The following CHRNB3 variants were observed in gnomAD, a reference collection of about 807,000 sequenced individuals.
The protein encoded by CHRNB3 is neuronal acetylcholine receptor subunit beta-3.
Under a neutral mutation model 40.6 loss-of-function variants are expected in CHRNB3, and 37 were observed. The observed-to-expected ratio is 0.91, with a 90% CI of 0.70 to 1.20. The LOEUF is 1.20. CHRNB3 is among the 50% of genes most tolerant of loss of function. The pLI is 0.00. For synonymous variants in CHRNB3, 207 were observed against 207.1 expected (o/e 1.00, Z 0.00); for missense variants, 505 against 551.2 (o/e 0.92, Z 0.84).
chr8:42,708,526 T>C (rs966933509), intron 1 of CHRNB3, among the ~76,000 whole-genome samples, 191 bp from the exon 2 acceptor site: 3 of 152,044 alleles, frequency 2.0e-5, no homozygotes, highest in Non-Finnish European at 4.4e-5. Flanking sequence ...TTTTCAGCTG[T>C]GTGTGTTTGG....
At chr8:42,736,113 C>A (rs1160525987) in intron 5 of CHRNB3, among the ~76,000 whole-genome samples, 2 of 152,146 alleles carry the variant, frequency 1.3e-5, no homozygotes, top group African/African-American at 2.4e-5. Context: ...GATCCCCCCA[C>A]CCCCAGGCCT....
chr8:42,723,878 G>A (rs1816260733), intron 3 of CHRNB3, among the ~76,000 whole-genome samples: 1 of 152,170 alleles, frequency 6.6e-6, no homozygotes, highest in Non-Finnish European at 1.5e-5. Flanking sequence ...CTGAAGTCAG[G>A]AGTTCAAGAC....
chr8:42,721,799 C>T (rs1279162001), intron 3 of CHRNB3: 2 of 152,112 alleles, frequency 1.3e-5, no homozygotes, highest in Non-Finnish European at 2.9e-5. Flanking sequence ...AAGAGTGTCC[C>T]ACCTCTTTTC....
At position 42,714,828 on chromosome 8, in the gene CHRNB3, C is replaced by G. The variant is rs541457193; in HGVS notation, c.249+4394C>G. ...GAAGTGACTTGCCCAGGGTTAAGCA[C>G]TGTTAGGGAAGTCGACTTATGTAGA... is the stretch of plus-strand genomic sequence containing the variant. On this transcript the variant is annotated intron_variant, in intron 3 of 5. Coordinates refer to ENST00000289957, the MANE Select transcript of CHRNB3 (RefSeq NM_000749.5). 3.3e-5 allele frequency: 5 copies of G among 152,350 alleles called. 1 individual carries two copies. In the South Asian group the frequency reaches 1.0e-3, roughly 32 times the overall value. 9.4% of individuals were successfully genotyped at this position (152,350 alleles called of 1,614,324 possible).
intron 3 of CHRNB3, among the ~76,000 whole-genome samples, chr8:42,720,179 T>C (rs1296058904): frequency 7.9e-6 from 1 of 125,794 alleles, no homozygotes; most frequent in African/African-American, 3.0e-5. Context: ...CAGGCTGGAG[T>C]GCAGCGGCAC....
At chr8:42,715,491 C>G (rs1473937711) in intron 3 of CHRNB3, among the ~76,000 whole-genome samples, 1 of 152,144 alleles carries the variant, frequency 6.6e-6, no homozygotes, top group Non-Finnish European at 1.5e-5. Context: ...CCTCATTTGC[C>G]TCCCAGACAC....
Position 42,736,767 on chromosome 8 carries a change from T to C in CHRNB3, c.*149T>C. ...CATCTCCTCATGGGAGAAACTCTGG[T>C]AAATGTGCTCATTTGTGGTTGCCAT... On this transcript the variant is annotated 3_prime_UTR_variant, in exon 6 of 6. Coordinates refer to ENST00000289957, the MANE Select transcript of CHRNB3 (RefSeq NM_000749.5). 1 of 961,398 alleles carries C rather than the reference T, an allele frequency of 1.0e-6. No homozygotes were observed. The highest frequency in any genetic ancestry group is 1.6e-6 in the Non-Finnish European group (1 of 635,566). 59.6% of individuals were successfully genotyped at this position (961,398 alleles called of 1,614,324 possible). A position where few individuals can be genotyped will look rare whatever the true frequency, so the allele number is the denominator to read the frequency against.
chr8:42,717,598 T>G (rs1384481915), intron 3 of CHRNB3, among the ~76,000 whole-genome samples: 2 of 151,494 alleles, frequency 1.3e-5, no homozygotes, highest in Admixed American at 1.3e-4. Flanking sequence ...TTGGACTTCT[T>G]ACTCAAGTGG....
chr8:42,732,249 C>G lies in CHRNB3; in HGVS notation c.942C>G (p.Thr314=). Residue 314 remains threonine, a synonymous_variant, in exon 5 of 6, where the codon ACC becomes ACG. Coordinates refer to ENST00000289957, the MANE Select transcript of CHRNB3 (RefSeq NM_000749.5). ...MIFVTLSIIV[T]VFVINVHHRS... ...TTGTGACCCTGTCCATCATTGTTAC[C>G]GTGTTTGTCATTAACGTTCACCACA... 1.2e-6 allele frequency: 2 copies of G among 1,611,842 alleles called. No homozygotes were observed. Among genetic ancestry groups the G allele is most frequent in the Non-Finnish European group, 1.7e-6 (2 of 1,179,348 alleles).
chr8:42,732,508 T>C lies in CHRNB3; in HGVS notation c.1201T>C (p.Tyr401His), dbSNP rs1002184786. ...FLEKAADSIR[Y>H]ISRHVKKEHF... is the part of the protein sequence containing the mutation. Reference sequence around the variant, plus strand: ...GGAAAAAGCTGCTGATTCCATTAGATACATTTCGAGACATGTGAAGAAAGA... The same window carrying C: ...GGAAAAAGCTGCTGATTCCATTAGACACATTTCGAGACATGTGAAGAAAGA... The change falls in exon 5 of 6, where the codon TAC (tyrosine) becomes CAC (histidine). Residue 401 changes from tyrosine (Y) to histidine (H), a missense_variant. Tyr to His is a moderately conservative substitution (Grantham distance 83, BLOSUM62 2). Coordinates refer to ENST00000289957, the MANE Select transcript of CHRNB3 (RefSeq NM_000749.5). The C allele has an allele frequency of 1.2e-6, 2 of 1,608,114 alleles. No homozygotes were observed. Among genetic ancestry groups the C allele is most frequent in the African/African-American group, 1.3e-5 (1 of 74,498 alleles).
intron 5 of CHRNB3, among the ~76,000 whole-genome samples, chr8:42,735,961 G>A (rs1299707363): frequency 6.6e-6 from 1 of 152,136 alleles, no homozygotes; most frequent in Non-Finnish European, 1.5e-5. Context: ...TGTCTCCTGG[G>A]TTCAAGCAAT....
At chr8:42,721,395 G>A (rs1453454908) in intron 3 of CHRNB3, among the ~76,000 whole-genome samples, 3 of 151,930 alleles carry the variant, frequency 2.0e-5, no homozygotes, top group Admixed American at 6.6e-5. Context: ...ACCCTCCCCC[G>A]GAAGCAGGAT....
chr8:42,706,564 G>A (rs1295357488), intron 1 of CHRNB3, among the ~76,000 whole-genome samples: 6 of 151,994 alleles, frequency 3.9e-5, no homozygotes, highest in Non-Finnish European at 8.8e-5. Context: ...ATTAAGACCC[G>A]ACGTAGGGTG....
intron 4 of CHRNB3, among the ~76,000 whole-genome samples, chr8:42,731,057 AAAATAAATAAATAAAT>A (rs201920356): frequency 5.0e-5 from 7 of 138,800 alleles, no homozygotes; most frequent in Admixed American, 2.8e-4. Context: ...TCCGTCTCAA[AAAATAAATAAATAAAT>A]AAATAAATAA....
In CHRNB3 at chr8:42,731,781, G is replaced by T. The variant is rs1563616433; in HGVS notation, c.474G>T (p.Thr158=). The change falls in exon 5 of 6, where the codon ACG becomes ACT. Residue 158 remains threonine, a synonymous_variant. Coordinates refer to ENST00000289957, the MANE Select transcript of CHRNB3 (RefSeq NM_000749.5). ...SYKSSCTMDV[T]FFPFDRQNCS... The stretch of plus-strand genomic sequence containing the variant: ...AAAGCTCCTGCACCATGGACGTCAC[G>T]TTTTTCCCGTTCGACCGACAGAACT... The T allele has an allele frequency of 5.0e-6, 8 of 1,614,078 alleles. No individual in the cohort carries two copies. The highest frequency in any genetic ancestry group is 6.8e-6 in the Non-Finnish European group (8 of 1,180,026).
chr8:42,713,464 G>A (rs1218496889), intron 3 of CHRNB3, among the ~76,000 whole-genome samples: 1 of 152,082 alleles, frequency 6.6e-6, no homozygotes, highest in African/African-American at 2.4e-5. Context: ...GGAGCACACT[G>A]ACACTTGGAA....
intron 3 of CHRNB3, chr8:42,725,685 C>T: frequency 1.1e-6 from 1 of 946,434 alleles, no homozygotes; most frequent in Non-Finnish European, 1.7e-6. Context: ...ACGAGATCTC[C>T]TGGAAATGCT....
At chr8:42,732,710 T>C (rs987793305) in intron 5 of CHRNB3, among the ~76,000 whole-genome samples, 161 bp downstream of exon 5, 2 of 152,166 alleles carry the variant, frequency 1.3e-5, no homozygotes, top group Non-Finnish European at 2.9e-5. Flanking sequence ...TGACATAACA[T>C]AGCGACATTA....
chr8:42,702,507 C>T (rs999367099), intron 1 of CHRNB3, among the ~76,000 whole-genome samples: 1 of 152,158 alleles, frequency 6.6e-6, no homozygotes, highest in African/African-American at 2.4e-5. Context: ...ATGGCTCACG[C>T]CTGTAAACCC....
Sources: allele counts gnomAD v4.1 joint callset (sites outside exome capture counted in the v4.1 genomes callset), GRCh38; gene constraint gnomAD v4.1.1; transcripts MANE v1.5; gene names NCBI Gene and HGNC (gene_info 2026-07-23, HGNC 2026-07-21).